The following PELI2 variants were observed in gnomAD, a reference collection of about 807,000 sequenced individuals.
The protein encoded by PELI2 is E3 ubiquitin-protein ligase pellino homolog 2.
A neutral mutation model predicts 42.3 loss-of-function variants in PELI2; 23 were observed. The observed-to-expected ratio is 0.54, with a 90% CI of 0.39 to 0.77. The LOEUF (loss-of-function observed/expected upper bound fraction) is 0.77. PELI2 is among the 30% of genes least tolerant of loss of function. The pLI is 0.00. For synonymous variants in PELI2, 245 were observed against 212.2 expected (o/e 1.15, Z -1.34); for missense variants, 463 against 553.2 (o/e 0.84, Z 1.64).
chr14:56,123,150 G>A (rs774196968), intron 1 of PELI2, among the ~76,000 whole-genome samples: 2 of 151,870 alleles, frequency 1.3e-5, no homozygotes, highest in Middle Eastern at 3.2e-3. Flanking sequence ...GACAAAGAGG[G>A]GTATAGTAGC....
chr14:56,158,680 A>C (rs891340534), intron 1 of PELI2, among the ~76,000 whole-genome samples: 18 of 152,168 alleles, frequency 1.2e-4, no homozygotes, highest in Admixed American at 1.3e-4. Flanking sequence ...GAGACTTCTT[A>C]CTATAGTAGA....
intron 2 of PELI2, among the ~76,000 whole-genome samples, chr14:56,268,727 T>C (rs780491634): frequency 1.3e-5 from 2 of 152,146 alleles, no homozygotes; most frequent in African/African-American, 4.8e-5. Flanking sequence ...TAGGTAACCA[T>C]GGGTGGTCCT....
At chr14:56,173,770 C>T (rs149582382) in intron 1 of PELI2, among the ~76,000 whole-genome samples, 5 of 152,320 alleles carry the variant, frequency 3.3e-5, no homozygotes, top group African/African-American at 9.6e-5. Context: ...GTACCTCCTA[C>T]AAAATCACTT....
At position 56,297,594 on chromosome 14, in the gene PELI2, A is replaced by C. The variant is rs186934601; in HGVS notation, c.*428A>C. ...GGTGTAGGTGTTACGCGAAGGGCGCACAGTGTCTAGAAATACTTGATCGTG... is the reference window on the plus strand; with the variant it reads ...GGTGTAGGTGTTACGCGAAGGGCGCCCAGTGTCTAGAAATACTTGATCGTG... On this transcript the variant is annotated 3_prime_UTR_variant, in exon 6 of 6. Transcript: ENST00000267460. 2.0e-4 allele frequency: 36 copies of C among 178,094 alleles called. 2 individuals are homozygous for C. Among genetic ancestry groups the C allele is most frequent in the East Asian group, 1.6e-3 (11 of 6,824 alleles). The allele number at this position is 178,094 out of a possible 1,614,324, so 11.0% of individuals were successfully genotyped here.
chr14:56,220,542 C>G (rs1044700411), intron 2 of PELI2, among the ~76,000 whole-genome samples: 4 of 152,090 alleles, frequency 2.6e-5, no homozygotes, highest in African/African-American at 9.7e-5. Context: ...AACGCTGATT[C>G]CAATACTACG....
chr14:56,139,898 G>A (rs916793549), intron 1 of PELI2, among the ~76,000 whole-genome samples: 4 of 150,196 alleles, frequency 2.7e-5, no homozygotes, highest in African/African-American at 7.4e-5. Context: ...AAAAAAAAAA[G>A]GTGAGATTTT....
At chr14:56,120,933 T>G (rs1293334888) in intron 1 of PELI2, among the ~76,000 whole-genome samples, 1 of 152,224 alleles carries the variant, frequency 6.6e-6, no homozygotes, top group African/African-American at 2.4e-5. Context: ...GGTTTCTGAC[T>G]GTTTACCAAT....
chr14:56,271,218 G>C (rs772964001), intron 2 of PELI2, among the ~76,000 whole-genome samples: 2 of 152,120 alleles, frequency 1.3e-5, no homozygotes, highest in Non-Finnish European at 2.9e-5. Flanking sequence ...CCAGGCTGCC[G>C]CACGCTCGCT....
At position 56,299,009 on chromosome 14, in the gene PELI2, T is replaced by G. The variant is rs577594085; in HGVS notation, c.*1843T>G. The G allele has an allele frequency of 2.6e-5, 4 of 152,176 alleles. No homozygotes were observed. The South Asian group carries it at 8.3e-4, about 32-fold the overall frequency. 9.4% of individuals were successfully genotyped at this position (152,176 alleles called of 1,614,324 possible). A position where few individuals can be genotyped will look rare whatever the true frequency, so the allele number is the denominator to read the frequency against. On this transcript the variant is annotated 3_prime_UTR_variant, in exon 6 of 6. Coordinates refer to ENST00000267460, the MANE Select transcript of PELI2 (RefSeq NM_021255.3). ...TGAATGCCTTTTGATTTAGCCAGAG[T>G]CTCTGATGATTAGCTTTCACTGATA...
intron 1 of PELI2, among the ~76,000 whole-genome samples, chr14:56,154,126 G>A (rs1884464603): frequency 6.6e-6 from 1 of 152,056 alleles, no homozygotes; most frequent in Non-Finnish European, 1.5e-5. Flanking sequence ...TAATATTTTG[G>A]TGTGTTTATT....
rs1885541021 is a variant in PELI2, at chr14:56,180,528, A to G, written c.207+2064A>G. Among the ~76,000 whole-genome samples, 2 of 152,198 alleles carry G rather than the reference A, an allele frequency of 1.3e-5. No homozygotes were observed. The highest frequency in any genetic ancestry group is 4.8e-5 in the African/African-American group (2 of 41,460). On this transcript the variant is annotated intron_variant, in intron 2 of 5. Coordinates refer to ENST00000267460, the MANE Select transcript of PELI2 (RefSeq NM_021255.3). This position sits in a 1 kb window ranked among gnomAD's most constrained non-coding sequence, Gnocchi z 4.4. ...TTTTAAAGGTTTACATTTTCAAGAG[A>G]GAGACTCTGATAGGTCTCCCCTGGG...
chr14:56,172,023 A>C (rs1251247776), intron 1 of PELI2, among the ~76,000 whole-genome samples: 1 of 152,130 alleles, frequency 6.6e-6, no homozygotes, highest in Non-Finnish European at 1.5e-5. Context: ...TCAAAAAAAA[A>C]GAAAAAGAAA....
chr14:56,261,077 C>T (rs1210353963), intron 2 of PELI2, among the ~76,000 whole-genome samples: 1 of 151,576 alleles, frequency 6.6e-6, no homozygotes, highest in Non-Finnish European at 1.5e-5. Flanking sequence ...AGGGAGATAG[C>T]TGTCTACCCA....
intron 2 of PELI2, among the ~76,000 whole-genome samples, chr14:56,183,586 A>G (rs989079123): frequency 2.6e-4 from 40 of 152,344 alleles, no homozygotes; most frequent in Middle Eastern, 6.8e-3. Context: ...TGCAAAACAT[A>G]TATCTACTGA....
At chr14:56,161,598 C>G (rs1884767552) in intron 1 of PELI2, among the ~76,000 whole-genome samples, 1 of 152,180 alleles carries the variant, frequency 6.6e-6, no homozygotes, top group Non-Finnish European at 1.5e-5. Context: ...GTTACCTTGA[C>G]TATCTTGCCT....
rs1053208344 is a variant in PELI2 at position 56,301,283 on chromosome 14, A to G, written c.*4117A>G. On this transcript the variant is annotated 3_prime_UTR_variant, in exon 6 of 6. Transcript: ENST00000267460. ...TTACAGGAAAAAATCTTCAAAAACTATTAAATGGATATCAGCCTGTTTGTG... is the reference window on the plus strand; with the variant it reads ...TTACAGGAAAAAATCTTCAAAAACTGTTAAATGGATATCAGCCTGTTTGTG... The G allele has an allele frequency of 1.3e-5, 2 of 152,670 alleles. No individual in the cohort carries two copies. The highest frequency in any genetic ancestry group is 4.8e-5 in the African/African-American group (2 of 41,458). 9.5% of individuals were successfully genotyped at this position (152,670 alleles called of 1,614,324 possible).
In PELI2 at chr14:56,290,292, C is replaced by T; in HGVS notation, c.532C>T (p.Pro178Ser). 1 of 1,597,826 alleles carries T rather than the reference C, an allele frequency of 6.3e-7. No individual in the cohort carries two copies. Among genetic ancestry groups the T allele is most frequent in the Non-Finnish European group, 8.6e-7 (1 of 1,168,754 alleles). Reference protein sequence around the residue: ...LGEKAAKWKNPDGHMDGLTTN... With the variant: ...LGEKAAKWKNSDGHMDGLTTN... ...GGAAAAGGCAGCAAAGTGGAAAAACCCCGACGGCCACATGGATGGGCTCAC... is the reference window on the plus strand; with the variant it reads ...GGAAAAGGCAGCAAAGTGGAAAAACTCCGACGGCCACATGGATGGGCTCAC... The change falls in exon 5 of 6, where the codon CCC (proline) becomes TCC (serine). Residue 178 changes from proline to serine, a missense_variant. Physicochemically the swap from Pro to Ser is moderately conservative, Grantham distance 74. Around this residue, in one of 3 missense-constraint regions of PELI2, gnomAD observed 343 missense variants for 378.4 expected, o/e 0.91. Transcript: ENST00000267460.
At chr14:56,199,370 C>A (rs1886250307) in intron 2 of PELI2, among the ~76,000 whole-genome samples, 1 of 152,164 alleles carries the variant, frequency 6.6e-6, no homozygotes, top group African/African-American at 2.4e-5. Flanking sequence ...GGTCATTTCT[C>A]GTCTTGGTAT....
In PELI2 at chr14:56,238,481, A is replaced by G. The variant is rs554865402; in HGVS notation, c.208-41195A>G. Among the ~76,000 whole-genome samples the G allele has an allele frequency of 2.0e-5, 3 of 152,312 alleles. No homozygotes were observed. In the South Asian group the frequency reaches 6.2e-4, roughly 32 times the overall value. ...TTAGGAGGCAGTTCTAGCAGTGGTA[A>G]TAGCAGTTGAAGATGCTTAGGGTTC... On this transcript the variant is annotated intron_variant, in intron 2 of 5. Transcript: ENST00000267460.
Sources: gnomAD v4.1 joint callset for allele counts (sites outside exome capture counted in the v4.1 genomes callset) on GRCh38, gnomAD v4.1.1 for gene constraint, gnomAD v4.1.1 regional missense constraint, Gnocchi (gnomAD v3.1) non-coding constraint, MANE v1.5 for transcripts, NCBI Gene and HGNC (gene_info 2026-07-23, HGNC 2026-07-21) for gene names.